Variants in EPS8 observed in about 807,000 individuals in gnomAD.
EPS8 encodes the protein EGFR pathway substrate 8, signaling adaptor, also known as epidermal growth factor receptor kinase substrate 8.
Under a neutral mutation model 103.8 loss-of-function variants are expected in EPS8, and 42 were observed. The ratio of observed to expected loss-of-function variants is 0.40; its 90% CI spans 0.32 to 0.52. The LOEUF (loss-of-function observed/expected upper bound fraction) is 0.52, where lower values mean the gene tolerates loss of function less well. Ranked by LOEUF, EPS8 falls within the 20% of genes least tolerant of loss-of-function variation. The pLI is 0.40. For missense variants in EPS8, 969 were observed against 1,005.1 expected (o/e 0.96, Z 0.49); for synonymous variants, 344 against 344.6 (o/e 1.00, Z 0.02).
Position 15,641,737 on chromosome 12 carries a change from C to G in EPS8, c.1662G>C (p.Lys554Asn). 1 of 1,549,944 alleles carries G rather than the reference C, an allele frequency of 6.5e-7. No individual in the cohort carries two copies. Among genetic ancestry groups the G allele is most frequent in the Non-Finnish European group, 8.8e-7 (1 of 1,138,686 alleles). ...ATTATATTACCTCTAAAATATCATC[C>G]TTTAGAACCGAGAGCTCACTGTTGT... The part of the protein sequence containing the change: ...ARNNSELSVL[K>N]DDILEILDDR... Residue 554 changes from lysine to asparagine, a missense_variant, in exon 16 of 21, where the codon AAG becomes AAC. Coordinates refer to ENST00000281172, the MANE Select transcript of EPS8 (RefSeq NM_004447.6).
In EPS8 at chr12:15,748,987, C is replaced by A. The variant is rs188611612; in HGVS notation, c.-22+40174G>T. Among the ~76,000 whole-genome samples the A allele has an allele frequency of 1.3e-5, 2 of 152,236 alleles. No individual in the cohort carries two copies. The highest frequency in any genetic ancestry group is 3.9e-4 in the East Asian group (2 of 5,188). ...GTCAAATGTTAATGTTAAACTCCAG[C>A]AAAAGCAAATACTGAGACAACTGAT... is the stretch of plus-strand genomic sequence containing the variant. On this transcript the variant is annotated intron_variant, in intron 1 of 20. Transcript: ENST00000281172. The surrounding 1 kb of genome is among the most constrained non-coding windows in gnomAD (Gnocchi z 4.8).
chr12:15,639,759 T>C lies in EPS8; in HGVS notation c.1821+944A>G, dbSNP rs1311532702. On this transcript the variant is annotated intron_variant, in intron 17 of 20. Coordinates refer to ENST00000281172, the MANE Select transcript of EPS8 (RefSeq NM_004447.6). ...ACCACAATTCCAGCTTTGGACAATC[T>C]GTATTTTTTTAAGCCTAGATCTGGC... 2.0e-5 allele frequency among the ~76,000 whole-genome samples: 3 copies of C among 152,208 alleles called. No homozygotes were observed. The East Asian group carries it at 5.8e-4, about 29-fold the overall frequency.
At chr12:15,624,096 T>G in intron 19 of EPS8, 131 bp downstream of exon 19, 1 of 681,182 alleles carries the variant, frequency 1.5e-6, no homozygotes, top group Non-Finnish European at 2.5e-6. Context: ...AGTGAGTTCT[T>G]GAGTATGGCA....
In EPS8 at chr12:15,769,498, A is replaced by G. The variant is rs1184467747; in HGVS notation, c.-22+19663T>C. 6.6e-6 allele frequency among the ~76,000 whole-genome samples: 1 copy of G among 152,254 alleles called. No homozygotes were observed. Among genetic ancestry groups the G allele is most frequent in the Non-Finnish European group, 1.5e-5 (1 of 68,036 alleles). On this transcript the variant is annotated intron_variant, in intron 1 of 20. Coordinates refer to ENST00000281172, the MANE Select transcript of EPS8 (RefSeq NM_004447.6). The surrounding 1 kb of genome is among the most constrained non-coding windows in gnomAD (Gnocchi z 4.6). Reference sequence around the variant, plus strand: ...GTTATTACTCAACTTTGGAAAAATTACACAAATATAAGACGCTCTTGTTGG... The same window carrying G: ...GTTATTACTCAACTTTGGAAAAATTGCACAAATATAAGACGCTCTTGTTGG...
At chr12:15,687,611 T>A (rs1433278898) in intron 1 of EPS8, among the ~76,000 whole-genome samples, 1 of 152,208 alleles carries the variant, frequency 6.6e-6, no homozygotes, top group Non-Finnish European at 1.5e-5. Flanking sequence ...ATAACAAAAT[T>A]TAATATGCAA....
intron 1 of EPS8, among the ~76,000 whole-genome samples, chr12:15,741,049 A>C (rs1368632947): frequency 2.6e-5 from 4 of 152,080 alleles, no homozygotes; most frequent in Non-Finnish European, 1.5e-5. Context: ...CACAAAGAAG[A>C]CCCTACCCAG....
intron 12 of EPS8, among the ~76,000 whole-genome samples, chr12:15,655,326 CT>C (rs1306275632): frequency 6.6e-6 from 1 of 152,134 alleles, no homozygotes; most frequent in Non-Finnish European, 1.5e-5. Flanking sequence ...CACTATTACA[CT>C]GTAATTTATG....
chr12:15,682,140 AG>A (rs1459512380), intron 2 of EPS8, among the ~76,000 whole-genome samples: 16 of 152,330 alleles, frequency 1.1e-4, no homozygotes, highest in African/African-American at 3.8e-4. Context: ...AGTGAGGAAA[AG>A]GTACGTGGAA....
At chr12:15,685,566 A>T (rs994180380) in intron 1 of EPS8, among the ~76,000 whole-genome samples, 5 of 152,204 alleles carry the variant, frequency 3.3e-5, no homozygotes, top group Non-Finnish European at 7.3e-5. Context: ...CTTTTGTTTT[A>T]AAATAGTGAT....
chr12:15,636,697 AAG>A (rs1945141146), intron 17 of EPS8, among the ~76,000 whole-genome samples: 2 of 152,180 alleles, frequency 1.3e-5, no homozygotes, highest in Admixed American at 1.3e-4. Flanking sequence ...CCCTTTTTTT[AAG>A]TATTTGGTGA....
intron 3 of EPS8, among the ~76,000 whole-genome samples, 163 bp downstream of exon 3, chr12:15,681,063 G>A (rs1945996594): frequency 6.6e-6 from 1 of 152,014 alleles, no homozygotes; most frequent in Non-Finnish European, 1.5e-5. Context: ...TCATGGCTTT[G>A]GTAGTTTTTA....
intron 12 of EPS8, among the ~76,000 whole-genome samples, chr12:15,656,993 C>CTAG (rs1945518425): frequency 6.6e-6 from 1 of 152,106 alleles, no homozygotes. Context: ...AATAATGACC[C>CTAG]TAGCTTTTTC....
At chr12:15,630,204 T>TCA (rs58598084) in intron 18 of EPS8, among the ~76,000 whole-genome samples, 1,684 of 147,966 alleles carry the variant, frequency 0.011, 7 homozygotes, top group East Asian at 0.041. Flanking sequence ...TCTCTCTCAC[T>TCA]CACACACACA....
chr12:15,677,851 C>G (rs1945936058), intron 3 of EPS8, among the ~76,000 whole-genome samples: 1 of 152,126 alleles, frequency 6.6e-6, no homozygotes, highest in South Asian at 2.1e-4. Flanking sequence ...AATGAATGGA[C>G]AGATGGATGA....
rs1271202176 is a variant in EPS8 at position 15,785,157 on chromosome 12, G to A, written c.-22+4004C>T. 6.6e-6 allele frequency among the ~76,000 whole-genome samples: 1 copy of A among 152,126 alleles called. No individual in the cohort carries two copies. Among genetic ancestry groups the A allele is most frequent in the African/African-American group, 2.4e-5 (1 of 41,440 alleles). On this transcript the variant is annotated intron_variant, in intron 1 of 20. Transcript: ENST00000281172. This position sits in a 1 kb window ranked among gnomAD's most constrained non-coding sequence, Gnocchi z 4.9. ...AGGTCAAGGAATCCCAAGGTGGAATGCAGATTGTAACAAAGAAATCTAACT... is the reference window on the plus strand; with the variant it reads ...AGGTCAAGGAATCCCAAGGTGGAATACAGATTGTAACAAAGAAATCTAACT...
chr12:15,660,749 A>G lies in EPS8; in HGVS notation c.811-9T>C. 5 of 1,455,744 alleles carry G rather than the reference A, an allele frequency of 3.4e-6. No individual in the cohort carries two copies. Among genetic ancestry groups the G allele is most frequent in the Non-Finnish European group, 4.8e-6 (5 of 1,044,276 alleles). 90.2% of individuals were successfully genotyped at this position (1,455,744 alleles called of 1,614,324 possible). ...ATGTGGTTTAAGATTTGCTGAAATT[A>G]GAAATTATAGAATAAAATATAAAAC... On this transcript the variant is annotated splice_polypyrimidine_tract_variant and intron_variant, in intron 9 of 20. Transcript: ENST00000281172.
chr12:15,729,759 T>A (rs1222399443), intron 1 of EPS8, among the ~76,000 whole-genome samples: 1 of 152,192 alleles, frequency 6.6e-6, no homozygotes, highest in Non-Finnish European at 1.5e-5. Context: ...TGATTTCTAG[T>A]TTGACTCCAC....
At position 15,784,071 on chromosome 12, in the gene EPS8, C is replaced by T. The variant is rs1947286570; in HGVS notation, c.-22+5090G>A. ...AACTATAAAACTTCTAGGAAAAACA[C>T]AGGATAAAATCTATGTAGCCTTGGC... is the stretch of plus-strand genomic sequence containing the variant. On this transcript the variant is annotated intron_variant, in intron 1 of 20. Coordinates refer to ENST00000281172, the MANE Select transcript of EPS8 (RefSeq NM_004447.6). This position sits in a 1 kb window ranked among gnomAD's most constrained non-coding sequence, Gnocchi z 4.0. Among the ~76,000 whole-genome samples, 1 of 152,016 alleles carries T rather than the reference C, an allele frequency of 6.6e-6. No individual in the cohort carries two copies. Among genetic ancestry groups the T allele is most frequent in the African/African-American group, 2.4e-5 (1 of 41,416 alleles).
intron 1 of EPS8, among the ~76,000 whole-genome samples, chr12:15,691,445 G>C (rs918986800): frequency 5.9e-5 from 9 of 152,066 alleles, no homozygotes; most frequent in Middle Eastern, 3.2e-3. Flanking sequence ...ATGGGGCAGA[G>C]AGACATCAAA....
Sources: gnomAD v4.1 joint callset for allele counts (sites outside exome capture counted in the v4.1 genomes callset) on GRCh38, gnomAD v4.1.1 for gene constraint, Gnocchi (gnomAD v3.1) non-coding constraint, MANE v1.5 for transcripts, NCBI Gene and HGNC (gene_info 2026-07-23, HGNC 2026-07-21) for gene names.